The following RIPOR2 variants were observed in gnomAD, a reference collection of about 807,000 sequenced individuals.
RIPOR2 encodes RHO family interacting cell polarization regulator 2.
A neutral mutation model predicts 114.5 loss-of-function variants in RIPOR2; 39 were observed. The ratio of observed to expected loss-of-function variants is 0.34; its 90% CI spans 0.26 to 0.44. The LOEUF (loss-of-function observed/expected upper bound fraction) is 0.44. Ranked by LOEUF, RIPOR2 falls within the 20% of genes least tolerant of loss-of-function variation. RIPOR2 has a pLI of 1.00. For synonymous variants in RIPOR2, 445 were observed against 484.4 expected (o/e 0.92, Z 1.07); for missense variants, 1,007 against 1,255.1 (o/e 0.80, Z 2.99).
intron 1 of RIPOR2, chr6:24,910,723 C>A (rs768370569): frequency 5.8e-5 from 42 of 725,520 alleles, no homozygotes; most frequent in Non-Finnish European, 6.9e-5. Context: ...GCATTCAACG[C>A]TCATTCAAGT....
chr6:24,916,054 T>A (rs914611440), intron 1 of RIPOR2, among the ~76,000 whole-genome samples: 4 of 152,246 alleles, frequency 2.6e-5, no homozygotes, highest in African/African-American at 4.8e-5. Flanking sequence ...TTTGTGGACC[T>A]ATGTCCTCAT....
chr6:25,029,411 GAAAAAAAAAA>G (rs71544610), intron 1 of RIPOR2, among the ~76,000 whole-genome samples: 7 of 90,644 alleles, frequency 7.7e-5, no homozygotes, highest in African/African-American at 1.7e-4. Context: ...TCTCAAAAAA[GAAAAAAAAAA>G]AAAAAAAAAA....
At chr6:24,929,218 A>C (rs1771190521) in intron 1 of RIPOR2, 1 of 151,648 alleles carries the variant, frequency 6.6e-6, no homozygotes, top group Non-Finnish European at 1.5e-5. Flanking sequence ...TTTGGAAGGA[A>C]TATTCTAAAT....
At chr6:25,016,936 C>G (rs1414553537) in intron 1 of RIPOR2, among the ~76,000 whole-genome samples, 3 of 152,176 alleles carry the variant, frequency 2.0e-5, no homozygotes, top group African/African-American at 7.2e-5. Context: ...AAGTTGATAA[C>G]ATAGGGAAAC....
At chr6:24,924,402 G>T (rs1400744815) in intron 1 of RIPOR2, among the ~76,000 whole-genome samples, 1 of 152,186 alleles carries the variant, frequency 6.6e-6, no homozygotes, top group Non-Finnish European at 1.5e-5. Context: ...CCCTTGAAAT[G>T]TTGCAGAGGT....
intron 1 of RIPOR2, chr6:24,898,374 C>G (rs903572387): frequency 1.3e-5 from 2 of 152,084 alleles, no homozygotes; most frequent in Admixed American, 1.3e-4. Context: ...GGGTGTGGGG[C>G]AAGGAGGTAA....
At chr6:24,981,667 A>G (rs1489490813) in intron 1 of RIPOR2, among the ~76,000 whole-genome samples, 3 of 152,206 alleles carry the variant, frequency 2.0e-5, no homozygotes, top group Non-Finnish European at 1.5e-5. Context: ...GTAACACTAT[A>G]GACTCTGGAG....
At chr6:24,828,330 A>T (rs565507644) in intron 17 of RIPOR2, 35 bp from the exon 18 acceptor site, 120 of 1,410,300 alleles carry the variant, frequency 8.5e-5, no homozygotes, top group Middle Eastern at 1.8e-4. Flanking sequence ...GCAGCTTTAG[A>T]TAGATGACCA....
At chr6:24,832,116 T>G (rs1760735731) in intron 16 of RIPOR2, 140 bp downstream of exon 16, 1 of 820,072 alleles carries the variant, frequency 1.2e-6, no homozygotes, top group Non-Finnish European at 1.8e-6. Context: ...GAGCCCAATT[T>G]GTTTGGAGAC....
chr6:24,920,613 A>G (rs1455367819), intron 1 of RIPOR2, among the ~76,000 whole-genome samples: 1 of 152,238 alleles, frequency 6.6e-6, no homozygotes, highest in African/African-American at 2.4e-5. Flanking sequence ...TATTATGTAT[A>G]TGCTGCTTTA....
intron 1 of RIPOR2, among the ~76,000 whole-genome samples, chr6:24,897,412 G>A (rs1226072670): frequency 1.3e-5 from 2 of 152,212 alleles, no homozygotes; most frequent in African/African-American, 4.8e-5. Context: ...GGGCCACAGC[G>A]TGGACAGGTG....
chr6:24,855,971 C>A (rs1248951366), intron 8 of RIPOR2, among the ~76,000 whole-genome samples: 1 of 152,188 alleles, frequency 6.6e-6, no homozygotes, highest in South Asian at 2.1e-4. Context: ...GAGTTTCAGG[C>A]GGCCGTGAGC....
chr6:24,887,262 T>C (rs892018525), intron 1 of RIPOR2, among the ~76,000 whole-genome samples: 4 of 152,126 alleles, frequency 2.6e-5, no homozygotes, highest in African/African-American at 7.2e-5. Context: ...TGAGAGGGGG[T>C]ACCAGCTGTC....
intron 1 of RIPOR2, among the ~76,000 whole-genome samples, chr6:24,914,580 T>C (rs539963029): frequency 3.9e-5 from 6 of 152,302 alleles, no homozygotes; most frequent in African/African-American, 7.2e-5. Context: ...TTTTATACCA[T>C]AAAACAAAGT....
chr6:24,892,554 C>T (rs1767468848), intron 1 of RIPOR2, among the ~76,000 whole-genome samples: 1 of 152,004 alleles, frequency 6.6e-6, no homozygotes, highest in Non-Finnish European at 1.5e-5. Flanking sequence ...TTTTCTAGTT[C>T]ACTGGGGAGA....
Position 24,883,793 on chromosome 6 carries a change from C to T in RIPOR2, c.62-7976G>A, listed in dbSNP as rs922037631. On this transcript the variant is annotated intron_variant, in intron 1 of 21. Coordinates refer to ENST00000643898, the MANE Select transcript of RIPOR2 (RefSeq NM_001286445.3). This position sits in a 1 kb window ranked among gnomAD's most constrained non-coding sequence, Gnocchi z 4.1. ...CAGCGAGGCTTCATAAGATGTAACA[C>T]CTGCCCTCACTGCACTTTCTGAGTC... Among the ~76,000 whole-genome samples, 2 of 152,210 alleles carry T rather than the reference C, an allele frequency of 1.3e-5. No homozygotes were observed. Among genetic ancestry groups the T allele is most frequent in the African/African-American group, 4.8e-5 (2 of 41,454 alleles).
chr6:25,036,556 A>G (rs1777264344), intron 1 of RIPOR2, among the ~76,000 whole-genome samples: 1 of 150,872 alleles, frequency 6.6e-6, no homozygotes, highest in Admixed American at 6.6e-5. Flanking sequence ...CATGCCCACT[A>G]ACTTAAAAAA....
chr6:25,024,087 C>A, intron 1 of RIPOR2: 3 of 777,272 alleles, frequency 3.9e-6, no homozygotes, highest in Non-Finnish European at 4.7e-6. Context: ...TCTGGGGGAC[C>A]AGCGAGTACC....
chr6:25,040,151 C>T (rs1419272492), intron 1 of RIPOR2, among the ~76,000 whole-genome samples: 3 of 149,370 alleles, frequency 2.0e-5, no homozygotes, highest in East Asian at 3.9e-4. Context: ...GAGTTTCGCT[C>T]ATCGCCCAGG....
Sources: gnomAD v4.1 joint callset for allele counts (sites outside exome capture counted in the v4.1 genomes callset) on GRCh38, gnomAD v4.1.1 for gene constraint, Gnocchi (gnomAD v3.1) non-coding constraint, MANE v1.5 for transcripts, NCBI Gene and HGNC (gene_info 2026-07-23, HGNC 2026-07-21) for gene names.